LILRB5: variants seen among roughly 807,000 people sequenced by gnomAD.
LILRB5 encodes leukocyte immunoglobulin like receptor B5, also known as leukocyte immunoglobulin-like receptor subfamily B member 5.
LILRB5 carries 61 observed loss-of-function variants against 68.4 expected under a neutral mutation model. That is an observed-to-expected ratio of 0.89 (90% CI 0.73 to 1.10). The LOEUF is 1.10. Ranked by LOEUF, LILRB5 falls within the 50% of genes least tolerant of loss-of-function variation. The pLI is 0.00. For synonymous variants in LILRB5, 356 were observed against 315.8 expected, an observed-to-expected ratio of 1.13 and a Z score of -1.35; for missense variants, 771 against 751.6, an observed-to-expected ratio of 1.03 and a Z score of -0.30.
chr19:54,253,560 T>G, intron 8 of LILRB5: 2 of 381,486 alleles, frequency 5.2e-6, no homozygotes, highest in Admixed American at 3.9e-5. Flanking sequence ...CCAGGTCCCA[T>G]GATTTTGCTT....
chr19:54,254,231 C>T (rs1457640398), intron 7 of LILRB5, 134 bp downstream of exon 7: 1 of 1,450,940 alleles, frequency 6.9e-7, no homozygotes, highest in African/African-American at 1.4e-5. Context: ...TGTGGCCCCT[C>T]CTCTGGCTCT....
chr19:54,253,258 G>C (rs1315631633), intron 8 of LILRB5: 1 of 231,244 alleles, frequency 4.3e-6, no homozygotes, highest in African/African-American at 2.3e-5. Flanking sequence ...TGCCCCACCA[G>C]GTGCACACCT....
At chr19:54,253,117 A>AC (rs2079015515) in intron 8 of LILRB5, 130 bp from the exon 9 acceptor site, 2 of 383,118 alleles carry the variant, frequency 5.2e-6, no homozygotes, top group African/African-American at 4.3e-5. Context: ...GGGATTGCCA[A>AC]CCCCCCAATT....
chr19:54,250,569 A>G lies in LILRB5; in HGVS notation c.*217T>C. On this transcript the variant is annotated 3_prime_UTR_variant, in exon 13 of 13. Transcript: ENST00000449561. Reference sequence around the variant, plus strand: ...TTCAGTTTTCTCAGCTCATTGATTTATTGAGAAGTCTGTGGCTTCATTTCA... The same window carrying G: ...TTCAGTTTTCTCAGCTCATTGATTTGTTGAGAAGTCTGTGGCTTCATTTCA... 2 of 573,408 alleles carry G rather than the reference A, an allele frequency of 3.5e-6. No individual in the cohort carries two copies. The highest frequency in any genetic ancestry group is 6.1e-6 in the Non-Finnish European group (2 of 327,712). The allele number at this position is 573,408 out of a possible 1,614,324, so 35.5% of individuals were successfully genotyped here.
At chr19:54,254,622 C>T (rs900971701) in intron 6 of LILRB5, 113 bp downstream of exon 6, 1 of 1,383,624 alleles carries the variant, frequency 7.2e-7, no homozygotes, top group Non-Finnish European at 1.0e-6. Context: ...CTGGCTGAGC[C>T]CCCCTCAAAC....
rs999381893 is a variant in LILRB5 at position 54,256,477 on chromosome 19, G to A, written c.355+12C>T. On this transcript the variant is annotated intron_variant, in intron 3 of 12. Transcript: ENST00000449561. ...CAGAGCCTGGGGCTGGGACCCCTGA[G>A]TGTCCTCTCACCTGTCGCCACCAGC... The A allele has an allele frequency of 6.2e-7, 1 of 1,613,334 alleles. No homozygotes were observed. The highest frequency in any genetic ancestry group is 1.7e-4 in the Middle Eastern group (1 of 5,978).
At chr19:54,253,743 C>A in intron 8 of LILRB5, 1 of 1,209,212 alleles carries the variant, frequency 8.3e-7, no homozygotes. Context: ...GAGCGGAGCC[C>A]CGGAGCTGCA....
intron 11 of LILRB5, 125 bp from the exon 12 acceptor site, chr19:54,252,231 G>A: frequency 1.4e-6 from 2 of 1,431,068 alleles, no homozygotes; most frequent in Non-Finnish European, 2.0e-6. Flanking sequence ...ATGTCCCTGA[G>A]GTCCCACAGT....
chr19:54,251,957 G>A (rs902181965), intron 12 of LILRB5, 97 bp downstream of exon 12: 10 of 1,256,560 alleles, frequency 8.0e-6, no homozygotes, highest in African/African-American at 5.9e-5. Context: ...CCACCGTGAC[G>A]ATGCTGAGAG....
rs763072407 is a variant in LILRB5, at chr19:54,250,799, A to T, written c.1763T>A (p.Leu588Gln). ...GTCCCCCGTGGGCTAGTGGATGGCCAGGGGGGCGTAGATGCTGGGTTCAGC... is the reference window on the plus strand; with the variant it reads ...GTCCCCCGTGGGCTAGTGGATGGCCTGGGGGGCGTAGATGCTGGGTTCAGC... The part of the protein sequence containing the change: ...PPAEPSIYAP[L>Q]AIH Residue 588 changes from leucine (L) to glutamine (Q), a missense_variant, in exon 13 of 13, where the codon CTG becomes CAG. Transcript: ENST00000449561. 4.1e-5 allele frequency: 66 copies of T among 1,614,020 alleles called. No individual in the cohort carries two copies. The Middle Eastern group carries it at 2.0e-3, about 48-fold the overall frequency.
Position 54,255,554 on chromosome 19 carries a change from G to T in LILRB5, c.684C>A (p.Ile228=). 1 of 1,613,762 alleles carries T rather than the reference G, an allele frequency of 6.2e-7. No individual in the cohort carries two copies. Among genetic ancestry groups the T allele is most frequent in the Non-Finnish European group, 8.5e-7 (1 of 1,179,764 alleles). The change falls in exon 5 of 13, where the codon ATC becomes ATA. Residue 228 remains isoleucine (I), a synonymous_variant. Coordinates refer to ENST00000449561, the MANE Select transcript of LILRB5 (RefSeq NM_001081442.3). Reference sequence around the variant, plus strand: ...CGCGGGCCACGACAGAGCCCTGCGGGATCAGGAGGGAGGGCTTCCTAGACA... The same window carrying T: ...CGCGGGCCACGACAGAGCCCTGCGGTATCAGGAGGGAGGGCTTCCTAGACA... The part of the protein sequence containing the change: ...PGVSRKPSLL[I]PQGSVVARGG...
chr19:54,256,441 C>G (rs773693336), intron 3 of LILRB5, 48 bp downstream of exon 3: 8 of 1,605,744 alleles, frequency 5.0e-6, no homozygotes, highest in Middle Eastern at 1.8e-4. Context: ...AGCCGACCCT[C>G]TTCCTGAGGG....
In LILRB5 at chr19:54,250,777, C is replaced by T. The variant is rs376182118; in HGVS notation, c.*9G>A. 37 of 1,613,956 alleles carry T rather than the reference C, an allele frequency of 2.3e-5. No individual in the cohort carries two copies. The African/African-American group carries it at 4.4e-4, about 19-fold the overall frequency. ...TTCTGTTGAGTATGAGATCTGGGTCCCCCGTGGGCTAGTGGATGGCCAGGG... is the reference window on the plus strand; with the variant it reads ...TTCTGTTGAGTATGAGATCTGGGTCTCCCGTGGGCTAGTGGATGGCCAGGG... On this transcript the variant is annotated 3_prime_UTR_variant, in exon 13 of 13. Transcript: ENST00000449561.
chr19:54,256,861 C>T, intron 2 of LILRB5, 88 bp from the exon 3 acceptor site: 1 of 1,607,596 alleles, frequency 6.2e-7, no homozygotes, highest in Non-Finnish European at 8.5e-7. Context: ...ACGTCCCCAT[C>T]AGTCAGCCCA....
chr19:54,251,867 G>A (rs1034936116), intron 12 of LILRB5, 187 bp downstream of exon 12: 2 of 773,716 alleles, frequency 2.6e-6, no homozygotes, highest in Admixed American at 1.8e-5. Flanking sequence ...GGACCCGGGA[G>A]GAGGCCCACG....
In LILRB5 at chr19:54,255,551, CGGGATCAGGAGGGAGGGCTT is replaced by C. The variant is rs1569060837; in HGVS notation, c.667_686del (p.Lys223AlafsTer18). 18 of 1,613,672 alleles carry C rather than the reference CGGGATCAGGAGGGAGGGCTT, an allele frequency of 1.1e-5. No homozygotes were observed. Among genetic ancestry groups the C allele is most frequent in the Non-Finnish European group, 1.5e-5 (18 of 1,179,822 alleles). Reference sequence around the variant, plus strand: ...CTCCGCGGGCCACGACAGAGCCCTGCGGGATCAGGAGGGAGGGCTTCCTAGACACGCCTGGAGGGAAAGAG... The same window carrying C: ...CTCCGCGGGCCACGACAGAGCCCTGCCCTAGACACGCCTGGAGGGAAAGAG... On this transcript the variant is annotated frameshift_variant, in exon 5 of 13. Transcript: ENST00000449561. LOFTEE classifies it high-confidence loss of function.
chr19:54,254,474 C>T (rs1408633010), intron 6 of LILRB5, 59 bp from the exon 7 acceptor site: 4 of 1,507,262 alleles, frequency 2.7e-6, no homozygotes, highest in Non-Finnish European at 3.6e-6. Flanking sequence ...GAAACCCGTC[C>T]CTCCACCTGC....
At chr19:54,251,527 T>G (rs954056921) in intron 12 of LILRB5, 5 of 525,386 alleles carry the variant, frequency 9.5e-6, no homozygotes, top group Non-Finnish European at 1.5e-5. Context: ...TCCCCTTCCA[T>G]TCAGACTGGC....
chr19:54,255,624 C>T (rs760839332), intron 4 of LILRB5, 42 bp from the exon 5 acceptor site: 2 of 1,578,856 alleles, frequency 1.3e-6, no homozygotes, highest in Non-Finnish European at 1.7e-6. Flanking sequence ...GCTGGTTCCT[C>T]CCCCGCCCCT....
Sources: allele counts gnomAD v4.1 joint callset, GRCh38; gene constraint gnomAD v4.1.1; transcripts MANE v1.5; gene names NCBI Gene and HGNC (gene_info 2026-07-23, HGNC 2026-07-21).